ROBO2: variants seen among roughly 807,000 people sequenced by gnomAD.
ROBO2 encodes the protein roundabout homolog 2.
ROBO2 carries 53 observed loss-of-function variants against 160.8 expected under a neutral mutation model. The observed-to-expected ratio is 0.33, with a 90% confidence interval of 0.26 to 0.41. The LOEUF is 0.41. Ranked by LOEUF, ROBO2 falls within the 10% of genes least tolerant of loss-of-function variation. The pLI, the probability that ROBO2 is intolerant of heterozygous loss-of-function variation, is 1.00. For synonymous variants in ROBO2, 664 were observed against 611.7 expected, an observed-to-expected ratio of 1.09 and a Z score of -1.26; for missense variants, 1,577 against 1,722.4, an observed-to-expected ratio of 0.92 and a Z score of 1.49.
chr3:77,392,306 G>A (rs2074817025), intron 2 of ROBO2, among the ~76,000 whole-genome samples: 1 of 152,134 alleles, frequency 6.6e-6, no homozygotes, highest in South Asian at 2.1e-4. Context: ...TGCAAACTTT[G>A]TTTCTGTCAC....
chr3:77,115,901 T>C (rs1419039122), intron 2 of ROBO2, among the ~76,000 whole-genome samples: 1 of 152,202 alleles, frequency 6.6e-6, no homozygotes, highest in Non-Finnish European at 1.5e-5. Context: ...GTGATGTAGT[T>C]AATGAGATCT....
intron 24 of ROBO2, among the ~76,000 whole-genome samples, chr3:77,637,948 G>T (rs759982819): frequency 1.3e-5 from 2 of 152,024 alleles, no homozygotes; most frequent in Non-Finnish European, 2.9e-5. Flanking sequence ...AAAATTGCCA[G>T]CATTTCAAAA....
At chr3:76,445,056 A>G (rs1468695217) in intron 2 of ROBO2, among the ~76,000 whole-genome samples, 2 of 152,196 alleles carry the variant, frequency 1.3e-5, no homozygotes, top group Admixed American at 6.6e-5. Context: ...GCATGAAAAT[A>G]TCATTATAAA....
chr3:76,136,385 A>G (rs987545684), intron 2 of ROBO2, among the ~76,000 whole-genome samples: 2 of 152,192 alleles, frequency 1.3e-5, no homozygotes, highest in African/African-American at 2.4e-5. Context: ...AACAGTGTTC[A>G]GAAATTGCTG....
intron 2 of ROBO2, among the ~76,000 whole-genome samples, chr3:76,152,376 T>A (rs989396209): frequency 6.6e-6 from 1 of 152,168 alleles, no homozygotes; most frequent in African/African-American, 2.4e-5. Context: ...AGCTTCAAAT[T>A]CAGTCAATCA....
chr3:77,160,667 C>A (rs908120979), intron 2 of ROBO2, among the ~76,000 whole-genome samples: 15 of 152,254 alleles, frequency 9.9e-5, no homozygotes, highest in African/African-American at 3.4e-4. Context: ...ACACACCATG[C>A]AGTTTAGATG....
At chr3:76,113,846 C>T (rs2070349066) in intron 2 of ROBO2, among the ~76,000 whole-genome samples, 1 of 152,078 alleles carries the variant, frequency 6.6e-6, no homozygotes, top group African/African-American at 2.4e-5. Flanking sequence ...TTGGCGCACT[C>T]CCTGTGGTAA....
intron 7 of ROBO2, among the ~76,000 whole-genome samples, chr3:77,550,347 C>G (rs568177073): frequency 1.3e-5 from 2 of 152,074 alleles, no homozygotes; most frequent in South Asian, 4.1e-4. Context: ...TCAGTTGAGT[C>G]CATCAAGTAT....
chr3:76,105,381 G>T (rs187232755), intron 2 of ROBO2, among the ~76,000 whole-genome samples: 1 of 152,086 alleles, frequency 6.6e-6, no homozygotes, highest in Admixed American at 6.5e-5. Context: ...TCCAGCTTAA[G>T]AAATGGAACA....
chr3:76,220,619 T>G (rs1247483008), intron 2 of ROBO2, among the ~76,000 whole-genome samples: 1 of 152,162 alleles, frequency 6.6e-6, no homozygotes, highest in Non-Finnish European at 1.5e-5. Context: ...TTACTTAGTC[T>G]TAGGTATTTT....
At chr3:76,537,798 G>A (rs904579468) in intron 2 of ROBO2, among the ~76,000 whole-genome samples, 1 of 152,108 alleles carries the variant, frequency 6.6e-6, no homozygotes, top group African/African-American at 2.4e-5. Flanking sequence ...GGAGATAGGG[G>A]AGGGGCAGCT....
chr3:76,159,458 C>G (rs1044750798), intron 2 of ROBO2, among the ~76,000 whole-genome samples: 1 of 152,130 alleles, frequency 6.6e-6, no homozygotes. Flanking sequence ...AAAATCCACA[C>G]ATTTTAAATT....
chr3:76,283,932 G>A (rs1420185285), intron 2 of ROBO2, among the ~76,000 whole-genome samples: 1 of 151,904 alleles, frequency 6.6e-6, no homozygotes, highest in Admixed American at 6.6e-5. Context: ...GTTCTTCTGA[G>A]CAACTGCTTT....
chr3:76,101,445 A>G (rs1187598722), intron 2 of ROBO2, among the ~76,000 whole-genome samples: 1 of 152,168 alleles, frequency 6.6e-6, no homozygotes, highest in Non-Finnish European at 1.5e-5. Flanking sequence ...AATATAAAGT[A>G]TTCAGAACTC....
chr3:75,973,667 AAG>A (rs2107380945), intron 2 of ROBO2, among the ~76,000 whole-genome samples: 1 of 151,782 alleles, frequency 6.6e-6, no homozygotes, highest in South Asian at 2.1e-4. Flanking sequence ...AGAGTAAGAA[AAG>A]GAAACTAATT....
At position 77,251,266 on chromosome 3, in the gene ROBO2, ATGT is replaced by A. The variant is rs1207212847; in HGVS notation, c.388+152927_388+152929del. ...TTTAGGGACCTGCAGATTTAATATG[ATGT>A]GGACATCGCCAAGGTTTTCAGCTTG... On this transcript the variant is annotated intron_variant, in intron 2 of 25. Transcript: ENST00000461745. Among the ~76,000 whole-genome samples, 62 of 152,176 alleles carry A rather than the reference ATGT, an allele frequency of 4.1e-4. No homozygotes were observed. In the East Asian group the frequency reaches 6.2e-3, roughly 15 times the overall value.
chr3:77,224,059 A>G (rs1400675595), intron 2 of ROBO2, among the ~76,000 whole-genome samples: 1 of 151,990 alleles, frequency 6.6e-6, no homozygotes, highest in African/African-American at 2.4e-5. Context: ...TGCCACTTCT[A>G]TGTTTTAAGG....
intron 2 of ROBO2, among the ~76,000 whole-genome samples, chr3:77,290,223 C>G (rs1271497899): frequency 7.1e-6 from 1 of 140,434 alleles, no homozygotes; most frequent in Non-Finnish European, 1.5e-5. Flanking sequence ...GCTAGATCAC[C>G]CCAGACATAA....
chr3:76,215,569 G>C (rs1032551790), intron 2 of ROBO2, among the ~76,000 whole-genome samples: 6 of 152,132 alleles, frequency 3.9e-5, no homozygotes, highest in African/African-American at 1.4e-4. Flanking sequence ...AGCAATGGAA[G>C]ATGAAATGAA....
Sources: allele counts gnomAD v4.1 joint callset (sites outside exome capture counted in the v4.1 genomes callset), GRCh38; gene constraint gnomAD v4.1.1; transcripts MANE v1.5; gene names NCBI Gene and HGNC (gene_info 2026-07-23, HGNC 2026-07-21).